NRXN3: variants seen among roughly 807,000 people sequenced by gnomAD.
NRXN3 encodes neurexin III.
Under a neutral mutation model 137.6 loss-of-function variants are expected in NRXN3, and 32 were observed. The ratio of observed to expected loss-of-function variants is 0.23; its 90% CI spans 0.18 to 0.31. The LOEUF (loss-of-function observed/expected upper bound fraction) is 0.31. Among genes scored for constraint, NRXN3 ranks in the 10% least tolerant of loss-of-function variants. The pLI is 1.00. For missense variants in NRXN3, 1,574 were observed against 2,062.5 expected (o/e 0.76, Z 4.59); for synonymous variants, 798 against 784.5 (o/e 1.02, Z -0.29).
intron 19 of NRXN3, among the ~76,000 whole-genome samples, chr14:79,796,667 G>T (rs2099161841): frequency 1.3e-5 from 2 of 152,192 alleles, no homozygotes. Context: ...TAAATCTTGA[G>T]TCTGCAAAGG....
At chr14:79,688,957 G>A (rs1257102495) in intron 17 of NRXN3, among the ~76,000 whole-genome samples, 1 of 152,022 alleles carries the variant, frequency 6.6e-6, no homozygotes, top group Admixed American at 6.6e-5. Flanking sequence ...GTCCCATATA[G>A]GTGTCGGATC....
chr14:79,644,212 T>TAGCC (rs1247877716), intron 16 of NRXN3, among the ~76,000 whole-genome samples: 1 of 136,246 alleles, frequency 7.3e-6, no homozygotes, highest in Admixed American at 7.8e-5. Flanking sequence ...GTGTAATGGC[T>TAGCC]AATTGGCTAA....
chr14:78,810,150 C>A (rs2098902684), intron 9 of NRXN3, among the ~76,000 whole-genome samples, 168 bp from the exon 10 acceptor site: 1 of 151,408 alleles, frequency 6.6e-6, no homozygotes, highest in South Asian at 2.1e-4. Context: ...AAATAATATA[C>A]TGTACATATA....
intron 10 of NRXN3, among the ~76,000 whole-genome samples, chr14:78,948,441 C>A (rs1411612307): frequency 6.6e-6 from 1 of 152,160 alleles, no homozygotes; most frequent in Non-Finnish European, 1.5e-5. Flanking sequence ...CAAGGGCTGG[C>A]CATGCTTGAA....
intron 10 of NRXN3, among the ~76,000 whole-genome samples, chr14:78,956,294 A>T (rs2099396658): frequency 6.6e-6 from 1 of 152,132 alleles, no homozygotes; most frequent in Non-Finnish European, 1.5e-5. Flanking sequence ...TGCATTTCAG[A>T]TCAATAACGA....
chr14:78,705,245 T>C (rs765620858), intron 6 of NRXN3, among the ~76,000 whole-genome samples: 8 of 152,218 alleles, frequency 5.3e-5, no homozygotes, highest in Non-Finnish European at 8.8e-5. Flanking sequence ...AGCCAGCCAT[T>C]TGGGGACATT....
chr14:78,255,484 G>A (rs1020923542), intron 2 of NRXN3, among the ~76,000 whole-genome samples: 8 of 152,228 alleles, frequency 5.3e-5, no homozygotes, highest in Non-Finnish European at 8.8e-5. Context: ...AACACAGATT[G>A]GGGCTATTTT....
intron 2 of NRXN3, among the ~76,000 whole-genome samples, chr14:78,252,124 G>A (rs1246287937): frequency 2.6e-5 from 4 of 151,412 alleles, no homozygotes; most frequent in Non-Finnish European, 5.9e-5. Flanking sequence ...TGGCCACAAT[G>A]TTCCTAAATA....
intron 10 of NRXN3, among the ~76,000 whole-genome samples, chr14:78,858,663 C>T (rs2099064011): frequency 6.6e-6 from 1 of 151,978 alleles, no homozygotes; most frequent in South Asian, 2.1e-4. Flanking sequence ...GATCTTTGTA[C>T]TTCAGATAGG....
chr14:78,441,921 C>A (rs928363026), intron 4 of NRXN3, among the ~76,000 whole-genome samples: 1 of 151,846 alleles, frequency 6.6e-6, no homozygotes, highest in African/African-American at 2.4e-5. Flanking sequence ...ATGGTGAAAC[C>A]CTGTCTCTAC....
At chr14:79,803,894 T>G (rs1292034707) in intron 19 of NRXN3, among the ~76,000 whole-genome samples, 3 of 140,954 alleles carry the variant, frequency 2.1e-5, no homozygotes, top group African/African-American at 7.8e-5. Flanking sequence ...CTAAAAAGTG[T>G]GTGTGTATAT....
At chr14:78,783,325 A>G (rs532759101) in intron 8 of NRXN3, among the ~76,000 whole-genome samples, 2 of 152,294 alleles carry the variant, frequency 1.3e-5, no homozygotes, top group South Asian at 2.1e-4. Context: ...GACAAAACCA[A>G]AATGAGGATC....
chr14:78,721,328 C>T (rs2098458748), intron 8 of NRXN3, among the ~76,000 whole-genome samples: 1 of 152,134 alleles, frequency 6.6e-6, no homozygotes, highest in African/African-American at 2.4e-5. Flanking sequence ...TTTCCAGATC[C>T]TTTATTTAAA....
At chr14:79,701,279 A>C (rs1469586150) in intron 19 of NRXN3, among the ~76,000 whole-genome samples, 2 of 152,096 alleles carry the variant, frequency 1.3e-5, no homozygotes, top group Non-Finnish European at 2.9e-5. Context: ...ATTTATATGA[A>C]ACAAATTTTC....
chr14:78,879,924 A>G (rs892653388), intron 10 of NRXN3, among the ~76,000 whole-genome samples: 22 of 152,146 alleles, frequency 1.4e-4, no homozygotes, highest in African/African-American at 5.1e-4. Flanking sequence ...AAAACTGGTG[A>G]CACTCTCAAA....
At chr14:79,370,696 G>T (rs2094075537) in intron 15 of NRXN3, among the ~76,000 whole-genome samples, 1 of 152,068 alleles carries the variant, frequency 6.6e-6, no homozygotes, top group Non-Finnish European at 1.5e-5. Flanking sequence ...CGCCTCAACT[G>T]ACTGAGCTTG....
At chr14:78,727,882 G>A (rs1014683598) in intron 8 of NRXN3, among the ~76,000 whole-genome samples, 8 of 152,138 alleles carry the variant, frequency 5.3e-5, no homozygotes, top group Non-Finnish European at 1.0e-4. Flanking sequence ...ACATCTTAGG[G>A]TACCACTAGA....
intron 10 of NRXN3, among the ~76,000 whole-genome samples, chr14:78,852,119 A>C (rs1033390429): frequency 1.3e-5 from 2 of 152,168 alleles, no homozygotes; most frequent in Admixed American, 1.3e-4. Context: ...ATTTTAGTGA[A>C]TATATGAAAT....
At chr14:78,908,021 A>T (rs2099223936) in intron 10 of NRXN3, among the ~76,000 whole-genome samples, 1 of 151,900 alleles carries the variant, frequency 6.6e-6, no homozygotes, top group Non-Finnish European at 1.5e-5. Flanking sequence ...TATGTACCAC[A>T]TTTTCCTTAT....
Sources: gnomAD v4.1 joint callset for allele counts (sites outside exome capture counted in the v4.1 genomes callset) on GRCh38, gnomAD v4.1.1 for gene constraint, MANE v1.5 for transcripts, NCBI Gene and HGNC (gene_info 2026-07-23, HGNC 2026-07-21) for gene names.